The following MBD5 variants were observed in gnomAD, a reference collection of about 807,000 sequenced individuals.
MBD5 encodes methyl-CpG-binding domain protein 5.
MBD5 carries 13 observed loss-of-function variants against 117.3 expected under a neutral mutation model. The observed-to-expected ratio is 0.11, with a 90% CI of 0.07 to 0.18. The LOEUF is 0.18. Ranked by LOEUF, MBD5 falls within the 10% of genes least tolerant of loss-of-function variation. The pLI, the probability that MBD5 is intolerant of heterozygous loss-of-function variation, is 1.00. For synonymous variants in MBD5, 727 were observed against 766.4 expected, an observed-to-expected ratio of 0.95 and a Z score of 0.85; for missense variants, 1,879 against 2,093.8, an observed-to-expected ratio of 0.90 and a Z score of 2.00.
intron 1 of MBD5, among the ~76,000 whole-genome samples, chr2:148,087,311 A>T (rs1695821347): frequency 6.6e-6 from 1 of 152,210 alleles, no homozygotes; most frequent in African/African-American, 2.4e-5. Flanking sequence ...ACCCCGCTCC[A>T]AGGAAAGAGA....
intron 1 of MBD5, among the ~76,000 whole-genome samples, chr2:148,104,659 G>T (rs1466063761): frequency 6.6e-6 from 1 of 152,140 alleles, no homozygotes; most frequent in Non-Finnish European, 1.5e-5. Flanking sequence ...GCCTTAGTTA[G>T]TGCATGCCAG....
intron 4 of MBD5, among the ~76,000 whole-genome samples, chr2:148,424,052 C>T (rs932751379): frequency 2.6e-5 from 4 of 151,514 alleles, no homozygotes; most frequent in African/African-American, 9.7e-5. Context: ...GTGGCAGGTG[C>T]CTGTAGCCCC....
intron 4 of MBD5, among the ~76,000 whole-genome samples, chr2:148,354,600 G>A (rs1703328179): frequency 6.6e-6 from 1 of 152,160 alleles, no homozygotes; most frequent in African/African-American, 2.4e-5. Flanking sequence ...CTTTATAGTA[G>A]AATGATTTAT....
At chr2:148,288,772 G>A (rs1326996048) in intron 3 of MBD5, among the ~76,000 whole-genome samples, 4 of 151,962 alleles carry the variant, frequency 2.6e-5, no homozygotes. Context: ...AAAAAAAACA[G>A]TAATCTAAAA....
rs1272880455 is a variant in MBD5 at position 148,021,381 on chromosome 2, C to T, written c.-1228C>T. On this transcript the variant is annotated 5_prime_UTR_variant, in exon 1 of 14. Transcript: ENST00000642680. ...CCCCTCCAACTCGCCTCCCTCCCTC[C>T]ACCCTCCTCCTCTTTGGCCGTGAGA... The T allele has an allele frequency of 6.3e-6, 3 of 477,474 alleles. No individual in the cohort carries two copies. Among genetic ancestry groups the T allele is most frequent in the Non-Finnish European group, 1.2e-5 (3 of 240,532 alleles). The allele number at this position is 477,474 out of a possible 1,614,324, so 29.6% of individuals were successfully genotyped here.
chr2:148,218,777 A>G (rs1321690892), intron 2 of MBD5, among the ~76,000 whole-genome samples: 2 of 152,214 alleles, frequency 1.3e-5, no homozygotes, highest in Non-Finnish European at 2.9e-5. Context: ...TAAAAGTAAG[A>G]TATGAAAGAT....
chr2:148,323,933 A>T (rs1179051037), intron 3 of MBD5, among the ~76,000 whole-genome samples: 1 of 152,190 alleles, frequency 6.6e-6, no homozygotes, highest in African/African-American at 2.4e-5. Flanking sequence ...TATGTCTTGA[A>T]TGGTAATGCC....
At chr2:148,039,389 T>C (rs1055328634) in intron 1 of MBD5, among the ~76,000 whole-genome samples, 4 of 152,138 alleles carry the variant, frequency 2.6e-5, no homozygotes. Context: ...TATGCAAAGT[T>C]CGTAAAGTAA....
At chr2:148,226,111 C>A (rs914620526) in intron 2 of MBD5, among the ~76,000 whole-genome samples, 10 of 147,604 alleles carry the variant, frequency 6.8e-5, no homozygotes, top group Non-Finnish European at 3.0e-5. Context: ...AGGCTATTTT[C>A]TTTTTTTTTT....
At chr2:148,140,132 C>T (rs1697277462) in intron 1 of MBD5, among the ~76,000 whole-genome samples, 1 of 152,132 alleles carries the variant, frequency 6.6e-6, no homozygotes, top group East Asian at 1.9e-4. Context: ...TGGTAATGTC[C>T]TAGAACACAG....
In MBD5 at chr2:148,469,906, G is replaced by T; in HGVS notation, c.1963G>T (p.Ala655Ser). Residue 655 changes from alanine to serine, a missense_variant, in exon 8 of 14, where the codon GCA (alanine) becomes TCA (serine). Ala to Ser is a moderately conservative substitution (Grantham distance 99). Around this residue, in one of 4 missense-constraint regions of MBD5, gnomAD observed 1,666 missense variants for 1,792.2 expected, o/e 0.93. Coordinates refer to ENST00000642680, the MANE Select transcript of MBD5 (RefSeq NM_001378120.1). ...TAAGCTGATGTCTCAGCAAAAAGAC[G>T]CATTGCGGAAAAGAAAACAACCACC... ...RDKLMSQQKD[A>S]LRKRKQPPTT... The T allele has an allele frequency of 6.2e-7, 1 of 1,613,918 alleles. No individual in the cohort carries two copies. The highest frequency in any genetic ancestry group is 8.5e-7 in the Non-Finnish European group (1 of 1,179,882).
At chr2:148,067,422 A>G (rs1695233921) in intron 1 of MBD5, among the ~76,000 whole-genome samples, 1 of 152,202 alleles carries the variant, frequency 6.6e-6, no homozygotes, top group Non-Finnish European at 1.5e-5. Flanking sequence ...ATTTTAGTAA[A>G]CATTTTATTT....
At chr2:148,218,695 A>G (rs567080325) in intron 2 of MBD5, among the ~76,000 whole-genome samples, 1 of 152,366 alleles carries the variant, frequency 6.6e-6, no homozygotes, top group African/African-American at 2.4e-5. Context: ...CCTGTGCAGC[A>G]TATTATTGTA....
intron 1 of MBD5, chr2:148,026,935 T>TA (rs10531470): frequency 6.6e-6 from 1 of 151,606 alleles, no homozygotes; most frequent in Non-Finnish European, 1.5e-5. Flanking sequence ...AATAAACAAA[T>TA]AAAAAAACAG....
intron 1 of MBD5, among the ~76,000 whole-genome samples, chr2:148,120,943 A>G (rs1363938284): frequency 3.3e-5 from 5 of 152,168 alleles, no homozygotes; most frequent in Non-Finnish European, 7.4e-5. Context: ...GTTTCTTTCT[A>G]TTCCTAGTTT....
At chr2:148,300,793 A>C (rs1701762752) in intron 3 of MBD5, among the ~76,000 whole-genome samples, 1 of 152,186 alleles carries the variant, frequency 6.6e-6, no homozygotes, top group Non-Finnish European at 1.5e-5. Flanking sequence ...AATTAGAGAC[A>C]TGAAAAAAAT....
In MBD5 at chr2:148,294,506, T is replaced by TTTTTTTTTGTTTTTTTTTTTTTTTTTTG. The variant is rs1397412173; in HGVS notation, c.-679-47700_-679-47699insGTTTTTTTTTTTTTTTTTTGTTTTTTTT. On this transcript the variant is annotated intron_variant, in intron 3 of 13. Transcript: ENST00000642680. ...CCCAAAGTGCTGGGATTACAGTTTT[T>TTTTTTTTTGTTTTTTTTTTTTTTTTTTG]TTTTTTTTTTTTTTTGAGATAGAGC... 4.4e-4 allele frequency among the ~76,000 whole-genome samples: 58 copies of TTTTTTTTTGTTTTTTTTTTTTTTTTTTG among 130,662 alleles called. 1 individual carries two copies. The highest frequency in any genetic ancestry group is 9.7e-4 in the African/African-American group (32 of 32,938). 85.7% of individuals were successfully genotyped at this position (130,662 alleles called of 152,430 possible). A position where few individuals can be genotyped will look rare whatever the true frequency, so the allele number is the denominator to read the frequency against.
intron 2 of MBD5, among the ~76,000 whole-genome samples, chr2:148,181,013 C>T (rs1205805038): frequency 2.6e-5 from 4 of 152,060 alleles, no homozygotes; most frequent in Non-Finnish European, 4.4e-5. Flanking sequence ...TATGAACCGC[C>T]ACATGTCTAT....
rs76114042 is a variant in MBD5 at position 148,100,427 on chromosome 2, A to G, written c.-924-78273A>G. ...TCAGTTATCTCCTGCTGCATAACAAATTACCCCAAATTAGTGGAATAGAAT... is the reference window on the plus strand; with the variant it reads ...TCAGTTATCTCCTGCTGCATAACAAGTTACCCCAAATTAGTGGAATAGAAT... On this transcript the variant is annotated intron_variant, in intron 1 of 13. Transcript: ENST00000642680. Among the ~76,000 whole-genome samples the G allele has an allele frequency of 3.2e-3, 494 of 152,258 alleles. 6 individuals are homozygous for G. Among genetic ancestry groups the G allele is most frequent in the African/African-American group, 0.011 (471 of 41,566 alleles).
Sources: gnomAD v4.1 joint callset for allele counts (sites outside exome capture counted in the v4.1 genomes callset) on GRCh38, gnomAD v4.1.1 for gene constraint, gnomAD v4.1.1 regional missense constraint, MANE v1.5 for transcripts, NCBI Gene and HGNC (gene_info 2026-07-23, HGNC 2026-07-21) for gene names.